The following RSRC1 variants were observed in gnomAD, a reference collection of about 807,000 sequenced individuals.
RSRC1 encodes the protein serine/Arginine-related protein 53.
A neutral mutation model predicts 49.1 loss-of-function variants in RSRC1; 39 were observed. The observed-to-expected ratio is 0.79, with a 90% CI of 0.61 to 1.04. The LOEUF is 1.04. Ranked by LOEUF, RSRC1 falls within the 50% of genes least tolerant of loss-of-function variation. RSRC1 has a pLI of 0.00. For synonymous variants in RSRC1, 143 were observed against 130.8 expected, an observed-to-expected ratio of 1.09 and a Z score of -0.63; for missense variants, 388 against 402.4, an observed-to-expected ratio of 0.96 and a Z score of 0.31.
intron 3 of RSRC1, among the ~76,000 whole-genome samples, chr3:158,170,467 A>C (rs953742183): frequency 1.3e-5 from 2 of 151,984 alleles, no homozygotes; most frequent in African/African-American, 4.8e-5. Context: ...GAATAAATCC[A>C]CTCAGCCCAT....
chr3:158,147,235 C>G lies in RSRC1; in HGVS notation c.320+23244C>G, dbSNP rs1717197066. Among the ~76,000 whole-genome samples the G allele has an allele frequency of 4.8e-5, 7 of 147,346 alleles. No individual in the cohort carries two copies. In the South Asian group the frequency reaches 8.6e-4, roughly 18 times the overall value. Reference sequence around the variant, plus strand: ...GGAAATTTTCTTATATCACATAATGCCATTATTATTTTTTTCCATGTGTGA... The same window carrying G: ...GGAAATTTTCTTATATCACATAATGGCATTATTATTTTTTTCCATGTGTGA... On this transcript the variant is annotated intron_variant, in intron 3 of 9. Coordinates refer to ENST00000611884, the MANE Select transcript of RSRC1 (RefSeq NM_001271838.2).
At chr3:158,417,747 CTTAT>C (rs1372579371) in intron 6 of RSRC1, among the ~76,000 whole-genome samples, 2 of 150,404 alleles carry the variant, frequency 1.3e-5, no homozygotes, top group East Asian at 2.0e-4. Context: ...TTAATCAGTT[CTTAT>C]TTATTAATAT....
chr3:158,513,350 C>T (rs1240476919), intron 7 of RSRC1, among the ~76,000 whole-genome samples: 1 of 152,088 alleles, frequency 6.6e-6, no homozygotes, highest in African/African-American at 2.4e-5. Flanking sequence ...TGTCAAAGGC[C>T]TTTTCTGCAT....
chr3:158,226,359 C>T (rs1050506331), intron 4 of RSRC1, among the ~76,000 whole-genome samples: 1 of 151,926 alleles, frequency 6.6e-6, no homozygotes, highest in Non-Finnish European at 1.5e-5. Context: ...AGGGAAACAT[C>T]ATTTGAAAGT....
chr3:158,182,458 G>T (rs1441462974), intron 3 of RSRC1, among the ~76,000 whole-genome samples: 1 of 152,082 alleles, frequency 6.6e-6, no homozygotes, highest in Non-Finnish European at 1.5e-5. Flanking sequence ...TCACTGGACT[G>T]GTAGAACTTT....
intron 6 of RSRC1, among the ~76,000 whole-genome samples, chr3:158,375,812 T>C (rs1732325473): frequency 6.6e-6 from 1 of 152,232 alleles, no homozygotes; most frequent in Non-Finnish European, 1.5e-5. Context: ...AAATTTACTG[T>C]GTAATTTATT....
intron 4 of RSRC1, among the ~76,000 whole-genome samples, chr3:158,252,871 T>G (rs967084791): frequency 9.2e-5 from 14 of 152,172 alleles, no homozygotes; most frequent in African/African-American, 3.4e-4. Flanking sequence ...TTTCTTGGCA[T>G]ATAGTTTCTC....
intron 7 of RSRC1, among the ~76,000 whole-genome samples, chr3:158,478,651 C>G (rs1408010059): frequency 6.6e-6 from 1 of 151,946 alleles, no homozygotes. Context: ...TAACCTCCCC[C>G]TCCCTTCACT....
chr3:158,433,776 T>C (rs935658127), intron 6 of RSRC1, among the ~76,000 whole-genome samples: 4 of 151,968 alleles, frequency 2.6e-5, no homozygotes, highest in Non-Finnish European at 5.9e-5. Context: ...AGAACAAATA[T>C]ATCTCTAGAC....
At chr3:158,373,908 A>G (rs1418160170) in intron 6 of RSRC1, among the ~76,000 whole-genome samples, 1 of 152,090 alleles carries the variant, frequency 6.6e-6, no homozygotes, top group Non-Finnish European at 1.5e-5. Context: ...GCTTTTGCTC[A>G]CAGAAAATGG....
intron 5 of RSRC1, among the ~76,000 whole-genome samples, chr3:158,323,004 T>G (rs1728850738): frequency 1.3e-5 from 2 of 152,238 alleles, no homozygotes. Context: ...TTGGAGTTTC[T>G]ATTGACTACC....
chr3:158,275,152 A>G (rs368778543), intron 4 of RSRC1, among the ~76,000 whole-genome samples: 7 of 152,302 alleles, frequency 4.6e-5, no homozygotes, highest in African/African-American at 1.7e-4. Flanking sequence ...ATTTTATCTA[A>G]CATTCAATTT....
intron 6 of RSRC1, among the ~76,000 whole-genome samples, chr3:158,367,348 G>C (rs750095180): frequency 1.9e-4 from 29 of 152,042 alleles, no homozygotes; most frequent in Non-Finnish European, 3.5e-4. Flanking sequence ...TGCATGAAGG[G>C]GTGTTGAATT....
intron 5 of RSRC1, among the ~76,000 whole-genome samples, chr3:158,329,377 T>G (rs1298693064): frequency 6.6e-6 from 1 of 152,224 alleles, no homozygotes; most frequent in Non-Finnish European, 1.5e-5. Context: ...TTTATCTACC[T>G]TTGGTTTTTC....
intron 6 of RSRC1, among the ~76,000 whole-genome samples, chr3:158,392,748 C>A (rs527302127): frequency 1.9e-4 from 29 of 152,114 alleles, no homozygotes; most frequent in Middle Eastern, 3.4e-3. Flanking sequence ...CAACACCTTG[C>A]TTGACGTTAC....
chr3:158,520,484 G>A (rs1711595709), intron 7 of RSRC1, among the ~76,000 whole-genome samples: 1 of 152,160 alleles, frequency 6.6e-6, no homozygotes, highest in African/African-American at 2.4e-5. Flanking sequence ...GAAATGGGCA[G>A]CAAAGAGACA....
rs559376987 is a variant in RSRC1, at chr3:158,438,294, T to C, written c.584-22641T>C. Among the ~76,000 whole-genome samples, 3 of 152,316 alleles carry C rather than the reference T, an allele frequency of 2.0e-5. No individual in the cohort carries two copies. The South Asian group carries it at 6.2e-4, about 32-fold the overall frequency. On this transcript the variant is annotated intron_variant, in intron 6 of 9. Coordinates refer to ENST00000611884, the MANE Select transcript of RSRC1 (RefSeq NM_001271838.2). Reference sequence around the variant, plus strand: ...ATCCCCATCAAGCTGCCAATGACTTTCTTCACAGAATTGGAAAAAACTACT... The same window carrying C: ...ATCCCCATCAAGCTGCCAATGACTTCCTTCACAGAATTGGAAAAAACTACT...
intron 7 of RSRC1, among the ~76,000 whole-genome samples, chr3:158,518,116 GTGTGTGTGTGTATA>G (rs1263011490): frequency 2.5e-5 from 2 of 80,398 alleles, no homozygotes; most frequent in African/African-American, 1.4e-4. Context: ...GTGTGTGTGT[GTGTGTGTGTGTATA>G]TATATATATA....
Position 158,271,790 on chromosome 3 carries a change from A to C in RSRC1, c.495-26249A>C, listed in dbSNP as rs1725531359. Among the ~76,000 whole-genome samples, 4 of 152,118 alleles carry C rather than the reference A, an allele frequency of 2.6e-5. No homozygotes were observed. In the South Asian group the frequency reaches 8.3e-4, roughly 31 times the overall value. On this transcript the variant is annotated intron_variant, in intron 4 of 9. Transcript: ENST00000611884. ...GTATTTTAACCTTTTTAGGTGTACA[A>C]GTCATTATGAACACAACAAGAATTA... is the stretch of plus-strand genomic sequence containing the variant.
Sources: allele counts gnomAD v4.1 joint callset (sites outside exome capture counted in the v4.1 genomes callset), GRCh38; gene constraint gnomAD v4.1.1; transcripts MANE v1.5; gene names NCBI Gene and HGNC (gene_info 2026-07-23, HGNC 2026-07-21).